NARS2: variants seen among roughly 807,000 people sequenced by gnomAD.
The protein encoded by NARS2 is asparaginyl-tRNA synthetase 2, mitochondrial.
NARS2 carries 60 observed loss-of-function variants against 62.9 expected under a neutral mutation model. That is an observed-to-expected ratio of 0.95 (90% confidence interval 0.77 to 1.18). The LOEUF is 1.18. NARS2 is among the 50% of genes most tolerant of loss of function. The pLI is 0.00. For missense variants in NARS2, 619 were observed against 576.4 expected, an observed-to-expected ratio of 1.07 and a Z score of -0.76; for synonymous variants, 196 against 200.0, an observed-to-expected ratio of 0.98 and a Z score of 0.17.
At chr11:78,468,322 A>G (rs868409499) in intron 10 of NARS2, among the ~76,000 whole-genome samples, 1 of 148,648 alleles carries the variant, frequency 6.7e-6, no homozygotes, top group African/African-American at 2.5e-5. Flanking sequence ...AAAAAAAAAA[A>G]AAAAAAGAAA....
chr11:78,556,342 A>G (rs563904438), intron 5 of NARS2, among the ~76,000 whole-genome samples: 2 of 152,310 alleles, frequency 1.3e-5, no homozygotes, highest in Admixed American at 1.3e-4. Flanking sequence ...TCAAATGTAT[A>G]CATAAAGCAA....
At chr11:78,534,779 G>A (rs901346666) in intron 5 of NARS2, among the ~76,000 whole-genome samples, 1 of 152,126 alleles carries the variant, frequency 6.6e-6, no homozygotes, top group Non-Finnish European at 1.5e-5. Flanking sequence ...ATTGAAAAAC[G>A]AATTGAAGTA....
At chr11:78,563,368 A>C (rs10899555) in intron 4 of NARS2, among the ~76,000 whole-genome samples, 107,199 of 151,112 alleles carry the variant, frequency 0.71, 38,594 homozygotes, top group Non-Finnish European at 0.79. Context: ...CAGGCACGCA[A>C]CACCACGCCC....
chr11:78,527,939 C>T (rs527770698), intron 6 of NARS2, among the ~76,000 whole-genome samples: 7 of 152,084 alleles, frequency 4.6e-5, no homozygotes, highest in Non-Finnish European at 8.8e-5. Context: ...TGAGAACCCA[C>T]CTCTACAAAA....
At chr11:78,521,647 G>A (rs1289749493) in intron 6 of NARS2, among the ~76,000 whole-genome samples, 3 of 152,134 alleles carry the variant, frequency 2.0e-5, no homozygotes, top group South Asian at 2.1e-4. Flanking sequence ...AAAATTAGCC[G>A]GGCGTAGTGG....
chr11:78,460,215 A>G (rs11237505), intron 11 of NARS2, among the ~76,000 whole-genome samples: 40,991 of 151,516 alleles, frequency 0.27, 6,226 homozygotes, highest in East Asian at 0.41. Flanking sequence ...TTTTATCCTA[A>G]GAGCAAAGGG....
chr11:78,497,875 C>A (rs2135344984), intron 6 of NARS2, among the ~76,000 whole-genome samples: 1 of 152,212 alleles, frequency 6.6e-6, no homozygotes, highest in South Asian at 2.1e-4. Flanking sequence ...TCTAAAAATT[C>A]TTATCTTTAT....
In NARS2 at chr11:78,498,370, T is replaced by C. The variant is rs183840322; in HGVS notation, c.690-5175A>G. ...ACCTCTATTTCTGCCTCCTTTTACA[T>C]GCCGCTTTAGCTGTTCATTAAGCAG... is the stretch of plus-strand genomic sequence containing the variant. On this transcript the variant is annotated intron_variant, in intron 6 of 13. Transcript: ENST00000281038. Among the ~76,000 whole-genome samples the C allele has an allele frequency of 4.5e-3, 688 of 152,344 alleles. 12 individuals are homozygous for C. The highest frequency in any genetic ancestry group is 5.2e-3 in the East Asian group (27 of 5,190).
intron 11 of NARS2, among the ~76,000 whole-genome samples, chr11:78,457,130 C>G (rs1858194417): frequency 6.6e-6 from 1 of 152,234 alleles, no homozygotes; most frequent in Non-Finnish European, 1.5e-5. Context: ...CAGAACCACT[C>G]TGCATCCTGT....
chr11:78,558,921 G>C (rs536766297), intron 5 of NARS2, among the ~76,000 whole-genome samples: 177 of 152,086 alleles, frequency 1.2e-3, no homozygotes, highest in Admixed American at 3.7e-3. Flanking sequence ...CTGCGTAAGA[G>C]AGAGCTTAAA....
At chr11:78,533,488 G>C (rs957475760) in intron 5 of NARS2, among the ~76,000 whole-genome samples, 5 of 152,164 alleles carry the variant, frequency 3.3e-5, no homozygotes, top group African/African-American at 1.2e-4. Context: ...AATGTCTACA[G>C]CTTAGGCAAA....
intron 5 of NARS2, among the ~76,000 whole-genome samples, chr11:78,552,306 TCCC>T (rs1397455370): frequency 6.6e-6 from 1 of 152,152 alleles, no homozygotes; most frequent in African/African-American, 2.4e-5. Context: ...CCATCCACGT[TCCC>T]CCAAGACATG....
At chr11:78,442,968 T>C (rs368722429) in intron 12 of NARS2, among the ~76,000 whole-genome samples, 1 of 152,216 alleles carries the variant, frequency 6.6e-6, no homozygotes, top group African/African-American at 2.4e-5. Context: ...TTTGTCTTTA[T>C]GTCCTTATAG....
chr11:78,495,999 A>G (rs906777927), intron 6 of NARS2, among the ~76,000 whole-genome samples: 3 of 152,194 alleles, frequency 2.0e-5, no homozygotes, highest in East Asian at 1.9e-4. Flanking sequence ...GGTCTCTAGT[A>G]TAAAATACAG....
At chr11:78,479,519 CA>C (rs907479101) in intron 7 of NARS2, among the ~76,000 whole-genome samples, 6 of 151,248 alleles carry the variant, frequency 4.0e-5, no homozygotes, top group African/African-American at 1.5e-4. Flanking sequence ...CAAAAAACAA[CA>C]AAAAAAAGTA....
At chr11:78,488,160 GAAT>G (rs1859656403) in intron 7 of NARS2, among the ~76,000 whole-genome samples, 1 of 149,166 alleles carries the variant, frequency 6.7e-6, no homozygotes, top group South Asian at 2.1e-4. Flanking sequence ...GTGATTGGCA[GAAT>G]AATATTTATC....
intron 5 of NARS2, among the ~76,000 whole-genome samples, chr11:78,547,774 A>G (rs1175196269): frequency 6.6e-6 from 1 of 152,246 alleles, no homozygotes; most frequent in Non-Finnish European, 1.5e-5. Context: ...AAGTTCTACA[A>G]AACTAAAATT....
intron 6 of NARS2, among the ~76,000 whole-genome samples, chr11:78,493,465 T>G (rs1859918204): frequency 6.6e-6 from 1 of 152,112 alleles, no homozygotes; most frequent in African/African-American, 2.4e-5. Flanking sequence ...AAGACCAGCC[T>G]GGGAAACATG....
chr11:78,568,923 G>A lies in NARS2; in HGVS notation c.252-171C>T, dbSNP rs59041881. Among the ~76,000 whole-genome samples the A allele has an allele frequency of 0.045, 6,883 of 152,200 alleles. 524 individuals are homozygous for A. The highest frequency in any genetic ancestry group is 0.16 in the African/African-American group (6,531 of 41,502). On this transcript the variant is annotated intron_variant, in intron 2 of 13. Transcript: ENST00000281038. ...ATCTGTCGTATAAATAGAGCATAAA[G>A]TTATAAAATGAATTCCATAAGCTTT... is the stretch of plus-strand genomic sequence containing the variant.
Sources: gnomAD v4.1 joint callset for allele counts (sites outside exome capture counted in the v4.1 genomes callset) on GRCh38, gnomAD v4.1.1 for gene constraint, MANE v1.5 for transcripts, NCBI Gene and HGNC (gene_info 2026-07-23, HGNC 2026-07-21) for gene names.